Variants in JAKMIP2 observed in about 807,000 individuals in gnomAD.
The protein encoded by JAKMIP2 is janus kinase and microtubule-interacting protein 2.
A neutral mutation model predicts 115.0 loss-of-function variants in JAKMIP2; 25 were observed. The ratio of observed to expected loss-of-function variants is 0.22; its 90% CI spans 0.16 to 0.30. The LOEUF is 0.30. Ranked by LOEUF, JAKMIP2 falls within the 10% of genes least tolerant of loss-of-function variation. The pLI, the probability that JAKMIP2 is intolerant of heterozygous loss-of-function variation, is 1.00. For missense variants in JAKMIP2, 642 were observed against 957.6 expected (o/e 0.67, Z 4.35); for synonymous variants, 334 against 343.6 (o/e 0.97, Z 0.31).
At chr5:147,757,289 G>A (rs913365313) in intron 1 of JAKMIP2, among the ~76,000 whole-genome samples, 1 of 152,052 alleles carries the variant, frequency 6.6e-6, no homozygotes, top group Admixed American at 6.6e-5. Flanking sequence ...TCAAGGGCGA[G>A]GGAGAACCCT....
intron 19 of JAKMIP2, among the ~76,000 whole-genome samples, chr5:147,615,974 G>A (rs1392852903): frequency 6.6e-6 from 1 of 152,076 alleles, no homozygotes; most frequent in Admixed American, 6.6e-5. Context: ...ACATTTCAGG[G>A]GAAATGCCAG....
At chr5:147,639,909 A>T (rs116770138) in intron 9 of JAKMIP2, 149 bp from the exon 10 acceptor site, 6 of 753,988 alleles carry the variant, frequency 8.0e-6, no homozygotes, top group Non-Finnish European at 1.3e-5. Flanking sequence ...TGAAGTGTAT[A>T]TACGGGCACA....
chr5:147,614,310 T>C (rs1308533825), intron 19 of JAKMIP2, among the ~76,000 whole-genome samples: 1 of 152,188 alleles, frequency 6.6e-6, no homozygotes, highest in East Asian at 1.9e-4. Flanking sequence ...TTGTCACCCA[T>C]CTCCAATTCC....
At chr5:147,612,430 T>C (rs1271811449) in intron 19 of JAKMIP2, 59 bp from the exon 20 acceptor site, 5 of 1,025,972 alleles carry the variant, frequency 4.9e-6, no homozygotes, top group Non-Finnish European at 7.2e-6. Context: ...TGCGGAAAAA[T>C]AATTTACCAA....
Position 147,637,437 on chromosome 5 carries a change from A to ATT in JAKMIP2, c.1531-391_1531-390dup, listed in dbSNP as rs34831610. On this transcript the variant is annotated intron_variant, in intron 10 of 21. Transcript: ENST00000616793. ...CATTTTGCCTCCCCAAATTCTTTTGATTTTTTTTTTTTTTTTTTTTGAGAC... is the reference window on the plus strand; with the variant it reads ...CATTTTGCCTCCCCAAATTCTTTTGATTTTTTTTTTTTTTTTTTTTTTGAGAC... 1.4e-4 allele frequency among the ~76,000 whole-genome samples: 11 copies of ATT among 79,306 alleles called. 2 individuals carry two copies. The East Asian group carries it at 4.0e-3, about 29-fold the overall frequency. 52.0% of individuals were successfully genotyped at this position (79,306 alleles called of 152,430 possible).
intron 1 of JAKMIP2, among the ~76,000 whole-genome samples, chr5:147,724,576 G>A (rs1468777586): frequency 6.6e-6 from 1 of 152,148 alleles, no homozygotes; most frequent in East Asian, 1.9e-4. Context: ...GTAATGAGAA[G>A]AAATTCTGGT....
At chr5:147,757,031 GT>G (rs1043080349) in intron 1 of JAKMIP2, among the ~76,000 whole-genome samples, 14 of 152,098 alleles carry the variant, frequency 9.2e-5, no homozygotes, top group African/African-American at 2.7e-4. Flanking sequence ...AAGGAAGAGA[GT>G]CCCTGTGAAT....
rs1193267593 is a variant in JAKMIP2, at chr5:147,641,707, C to T, written c.1281+1G>A. 6.2e-7 allele frequency: 1 copy of T among 1,609,632 alleles called. No individual in the cohort carries two copies. The highest frequency in any genetic ancestry group is 8.5e-7 in the Non-Finnish European group (1 of 1,176,134). On this transcript the variant is annotated splice_donor_variant, in intron 8 of 21. Coordinates refer to ENST00000616793, the MANE Select transcript of JAKMIP2 (RefSeq NM_001270941.2). LOFTEE classifies it high-confidence loss of function. ...GCCTGATAACTTTGATTTCTTATTA[C>T]CTTAATTGGCTTGGAACTTCTTCTA...
chr5:147,615,315 T>C (rs1756515355), intron 19 of JAKMIP2, among the ~76,000 whole-genome samples: 1 of 152,094 alleles, frequency 6.6e-6, no homozygotes, highest in Non-Finnish European at 1.5e-5. Context: ...ACTGGAAAAA[T>C]GAGAACACTT....
intron 3 of JAKMIP2, among the ~76,000 whole-genome samples, chr5:147,656,140 C>A (rs760907913): frequency 5.9e-5 from 9 of 152,178 alleles, no homozygotes; most frequent in Non-Finnish European, 1.2e-4. Context: ...AGAATAAGTG[C>A]CATGTGGCAT....
At chr5:147,721,590 C>A (rs1437230924) in intron 1 of JAKMIP2, among the ~76,000 whole-genome samples, 1 of 151,888 alleles carries the variant, frequency 6.6e-6, no homozygotes, top group East Asian at 1.9e-4. Flanking sequence ...GCGCAGTATT[C>A]GGGTGGGAGT....
chr5:147,675,522 G>A (rs551202901), intron 1 of JAKMIP2, among the ~76,000 whole-genome samples: 20 of 151,038 alleles, frequency 1.3e-4, no homozygotes, highest in East Asian at 5.8e-4. Flanking sequence ...GTCACATACC[G>A]TAACATTCAC....
In JAKMIP2 at chr5:147,714,734, C is replaced by A. The variant is rs368815635; in HGVS notation, c.-148-42780G>T. Among the ~76,000 whole-genome samples, 7 of 152,266 alleles carry A rather than the reference C, an allele frequency of 4.6e-5. No individual in the cohort carries two copies. The South Asian group carries it at 1.5e-3, about 32-fold the overall frequency. Reference sequence around the variant, plus strand: ...TAACAGTTACACTGAGAGCTGACTTCTCAACAGCAACACAAGAAGCAGGAG... The same window carrying A: ...TAACAGTTACACTGAGAGCTGACTTATCAACAGCAACACAAGAAGCAGGAG... On this transcript the variant is annotated intron_variant, in intron 1 of 21. Coordinates refer to ENST00000616793, the MANE Select transcript of JAKMIP2 (RefSeq NM_001270941.2).
In JAKMIP2 at chr5:147,620,253, GA is replaced by G. The variant is rs1488631466; in HGVS notation, c.2142+412del. Reference sequence around the variant, plus strand: ...AGTACTACAAAGTGCATGTCACCATGATTGGCTAATTTTTGTATTTTGTATT... The same window carrying G: ...AGTACTACAAAGTGCATGTCACCATGTTGGCTAATTTTTGTATTTTGTATT... On this transcript the variant is annotated intron_variant, in intron 18 of 21. Transcript: ENST00000616793. 3.3e-5 allele frequency among the ~76,000 whole-genome samples: 5 copies of G among 151,984 alleles called. No homozygotes were observed. In the East Asian group the frequency reaches 9.7e-4, roughly 29 times the overall value.
intron 21 of JAKMIP2, among the ~76,000 whole-genome samples, chr5:147,599,912 A>G (rs1755606453): frequency 6.6e-6 from 1 of 152,092 alleles, no homozygotes; most frequent in African/African-American, 2.4e-5. Context: ...AAATGTATCT[A>G]TTACTTAGAA....
At chr5:147,762,880 T>C (rs1226085994) in intron 1 of JAKMIP2, among the ~76,000 whole-genome samples, 1 of 152,262 alleles carries the variant, frequency 6.6e-6, no homozygotes, top group East Asian at 1.9e-4. Context: ...TCAAAGGGTG[T>C]GTCATTTTAA....
chr5:147,706,370 G>C (rs1580810859), intron 1 of JAKMIP2, among the ~76,000 whole-genome samples: 1 of 152,100 alleles, frequency 6.6e-6, no homozygotes, highest in Non-Finnish European at 1.5e-5. Flanking sequence ...CAAGGAAGAG[G>C]CATGGGGATT....
chr5:147,710,644 A>G (rs2126910342), intron 1 of JAKMIP2, among the ~76,000 whole-genome samples: 1 of 152,306 alleles, frequency 6.6e-6, no homozygotes, highest in African/African-American at 2.4e-5. Flanking sequence ...ATGTGAAAGC[A>G]GTTTATATAG....
At position 147,782,713 on chromosome 5, in the gene JAKMIP2, A is replaced by G; in HGVS notation, c.-406T>C. 1 of 603,158 alleles carries G rather than the reference A, an allele frequency of 1.7e-6. No homozygotes were observed. The highest frequency in any genetic ancestry group is 3.0e-6 in the Non-Finnish European group (1 of 334,558). 37.4% of individuals were successfully genotyped at this position (603,158 alleles called of 1,614,324 possible). On this transcript the variant is annotated 5_prime_UTR_variant, in exon 1 of 22. Coordinates refer to ENST00000616793, the MANE Select transcript of JAKMIP2 (RefSeq NM_001270941.2). ...ACCAGTTGGGCCTCCTCCCTCTCGGAGGATGGGGTGAGCTCGGAAGCAGCC... is the reference window on the plus strand; with the variant it reads ...ACCAGTTGGGCCTCCTCCCTCTCGGGGGATGGGGTGAGCTCGGAAGCAGCC...
Sources: gnomAD v4.1 joint callset for allele counts (sites outside exome capture counted in the v4.1 genomes callset) on GRCh38, gnomAD v4.1.1 for gene constraint, MANE v1.5 for transcripts, NCBI Gene and HGNC (gene_info 2026-07-23, HGNC 2026-07-21) for gene names.